RMDN2: variants seen among roughly 807,000 people sequenced by gnomAD.
The protein encoded by RMDN2 is regulator of microtubule dynamics protein 2.
RMDN2 carries 61 observed loss-of-function variants against 52.8 expected under a neutral mutation model. That is an observed-to-expected ratio of 1.16 (90% CI 0.94 to 1.43). The LOEUF is 1.43. Among genes scored for constraint, RMDN2 ranks in the 40% most tolerant of loss-of-function variants. RMDN2 has a pLI of 0.00. For missense variants in RMDN2, 592 were observed against 475.3 expected (o/e 1.25, Z -2.28); for synonymous variants, 180 against 153.1 (o/e 1.18, Z -1.30).
chr2:38,022,424 G>T (rs999161158), downstream of RMDN2, among the ~76,000 whole-genome samples: 1 of 152,164 alleles, frequency 6.6e-6, no homozygotes, highest in Non-Finnish European at 1.5e-5. Flanking sequence ...CTGAAATGAG[G>T]ATTGTTCCTG....
At chr2:38,024,125 CTT>C (rs1333310435) in intron 10 of RMDN2, among the ~76,000 whole-genome samples, 4 of 152,092 alleles carry the variant, frequency 2.6e-5, no homozygotes, top group Admixed American at 2.6e-4. Flanking sequence ...TAGTTCATTT[CTT>C]TTCATTTCTG....
intron 10 of RMDN2, among the ~76,000 whole-genome samples, chr2:38,048,174 G>A (rs914856477): frequency 6.6e-6 from 1 of 152,218 alleles, no homozygotes; most frequent in Admixed American, 6.5e-5. Context: ...AATTGGCTTT[G>A]CTGCAGTCCT....
chr2:37,925,847 T>A (rs1322829629), intron 1 of RMDN2, among the ~76,000 whole-genome samples: 2 of 152,248 alleles, frequency 1.3e-5, no homozygotes, highest in Admixed American at 6.5e-5. Flanking sequence ...TGTGGGGTTT[T>A]TTTTGCTCTC....
chr2:38,020,556 G>A (rs1679273494), downstream of RMDN2, among the ~76,000 whole-genome samples: 1 of 152,230 alleles, frequency 6.6e-6, no homozygotes, highest in African/African-American at 2.4e-5. Context: ...GCGCTTGCGG[G>A]CCAGCTGGAG....
intron 10 of RMDN2, among the ~76,000 whole-genome samples, chr2:38,050,837 C>G (rs755096522): frequency 6.6e-6 from 1 of 152,240 alleles, no homozygotes; most frequent in South Asian, 2.1e-4. Context: ...CAGCTCACTG[C>G]AGCCTCCGCC....
intron 2 of RMDN2, among the ~76,000 whole-genome samples, chr2:37,940,287 C>T (rs765791607): frequency 3.9e-5 from 6 of 152,122 alleles, no homozygotes; most frequent in Non-Finnish European, 8.8e-5. Context: ...GTGGGTAACT[C>T]GACCTTTCTC....
chr2:37,964,155 G>C (rs1012661667), intron 2 of RMDN2, among the ~76,000 whole-genome samples: 2 of 151,186 alleles, frequency 1.3e-5, no homozygotes, highest in Non-Finnish European at 3.0e-5. Flanking sequence ...CCTGCCGGGC[G>C]GAGGGGCTCC....
At chr2:37,924,262 T>C (rs1296955110), upstream of RMDN2, among the ~76,000 whole-genome samples, 2 of 152,244 alleles carry the variant, frequency 1.3e-5, no homozygotes, top group African/African-American at 4.8e-5. Context: ...AGTGTACCCA[T>C]TTTTAATTCT....
chr2:37,974,017 G>A lies in RMDN2; in HGVS notation c.453-23G>A, dbSNP rs774685087. On this transcript the variant is annotated intron_variant, in intron 2 of 10. Coordinates refer to ENST00000354545, the MANE Select transcript of RMDN2 (RefSeq NM_001170791.3). ...ATTATACTTAACTTTCAAAGGAGTT[G>A]ATGATTATTTCTGCGATTTTAGGTA... The A allele has an allele frequency of 1.9e-6, 3 of 1,582,090 alleles. No homozygotes were observed. In the Admixed American group the frequency reaches 5.3e-5, roughly 28 times the overall value.
intron 8 of RMDN2, among the ~76,000 whole-genome samples, chr2:38,003,604 G>GATAGATAGGCAGA (rs1306774545): frequency 3.9e-5 from 4 of 103,168 alleles, no homozygotes; most frequent in Admixed American, 2.1e-4. Flanking sequence ...AGATAGATAG[G>GATAGATAGGCAGA]CAGACAGACA....
At chr2:38,003,632 A>G (rs767879001) in intron 8 of RMDN2, among the ~76,000 whole-genome samples, 6 of 152,140 alleles carry the variant, frequency 3.9e-5, no homozygotes, top group Non-Finnish European at 7.4e-5. Context: ...AGACAAATAT[A>G]TAGGACTTGT....
intron 4 of RMDN2, among the ~76,000 whole-genome samples, chr2:37,977,209 G>T (rs1042579229): frequency 6.6e-6 from 1 of 152,250 alleles, no homozygotes; most frequent in Admixed American, 6.5e-5. Flanking sequence ...GAATTTTTTA[G>T]TACAGAACAA....
Position 37,933,752 on chromosome 2 carries a change from GGAGACCGTGGAAAGAGAGGGAGAGA to G in RMDN2, c.452+4038_452+4062del, listed in dbSNP as rs1404970983. ...ATCCAGCTTCGGCTCGGCATCAGAG[GGAGACCGTGGAAAGAGAGGGAGAGA>G]GAGACCGTGGAAAGGGGAGAGGGAG... On this transcript the variant is annotated intron_variant, in intron 2 of 10. Coordinates refer to ENST00000354545, the MANE Select transcript of RMDN2 (RefSeq NM_001170791.3). Among the ~76,000 whole-genome samples the G allele has an allele frequency of 5.9e-3, 904 of 152,324 alleles. 10 individuals carry two copies. The highest frequency in any genetic ancestry group is 0.02 in the African/African-American group (841 of 41,562).
At chr2:37,976,759 A>C (rs1362877458) in intron 4 of RMDN2, among the ~76,000 whole-genome samples, 1 of 152,126 alleles carries the variant, frequency 6.6e-6, no homozygotes, top group Non-Finnish European at 1.5e-5. Flanking sequence ...AAGGGGATTT[A>C]TTTTCATATC....
intron 8 of RMDN2, among the ~76,000 whole-genome samples, chr2:37,999,947 G>A (rs1351713489): frequency 6.6e-6 from 1 of 152,106 alleles, no homozygotes; most frequent in Non-Finnish European, 1.5e-5. Context: ...CCGTGAAATG[G>A]CCATAATAAT....
intron 2 of RMDN2, among the ~76,000 whole-genome samples, chr2:37,951,016 A>G (rs974118686): frequency 1.3e-5 from 2 of 152,034 alleles, no homozygotes; most frequent in Non-Finnish European, 2.9e-5. Flanking sequence ...GTGTAGGTAG[A>G]GATAACCTCT....
chr2:38,020,407 T>C (rs1679257674), downstream of RMDN2, among the ~76,000 whole-genome samples: 1 of 152,200 alleles, frequency 6.6e-6, no homozygotes, highest in African/African-American at 2.4e-5. Context: ...GCTCCCACTT[T>C]GGCGGCACTT....
chr2:37,941,623 G>C (rs1300230365), intron 2 of RMDN2, among the ~76,000 whole-genome samples: 1 of 152,226 alleles, frequency 6.6e-6, no homozygotes, highest in African/African-American at 2.4e-5. Flanking sequence ...AGGCAGTCTG[G>C]CTATAGCTGC....
Position 37,964,191 on chromosome 2 carries a change from G to A in RMDN2, c.453-9849G>A, listed in dbSNP as rs377512861. On this transcript the variant is annotated intron_variant, in intron 2 of 10. Coordinates refer to ENST00000354545, the MANE Select transcript of RMDN2 (RefSeq NM_001170791.3). ...TCACTTCTCAGACAGGGCAGCTGCC[G>A]GGCGGAGGGGCTCCTCACTTCTCAG... Among the ~76,000 whole-genome samples the A allele has an allele frequency of 9.4e-4, 143 of 152,064 alleles. 2 individuals carry two copies. The East Asian group carries it at 0.02, about 21-fold the overall frequency.
Sources: gnomAD v4.1 joint callset for allele counts (sites outside exome capture counted in the v4.1 genomes callset) on GRCh38, gnomAD v4.1.1 for gene constraint, MANE v1.5 for transcripts, NCBI Gene and HGNC (gene_info 2026-07-23, HGNC 2026-07-21) for gene names.